Variants in PALM2AKAP2 observed in about 807,000 individuals in gnomAD.
The protein encoded by PALM2AKAP2 is PALM2 and AKAP2 fusion.
PALM2AKAP2 carries 37 observed loss-of-function variants against 71.5 expected under a neutral mutation model. The observed-to-expected ratio is 0.52, with a 90% CI of 0.40 to 0.68. The LOEUF is 0.68. Among genes scored for constraint, PALM2AKAP2 ranks in the 30% least tolerant of loss-of-function variants. The pLI is 0.00. For missense variants in PALM2AKAP2, 1,224 were observed against 1,191.8 expected (o/e 1.03, Z -0.40); for synonymous variants, 468 against 478.8 (o/e 0.98, Z 0.29).
In PALM2AKAP2 at chr9:110,121,108, G is replaced by A. The variant is rs532367924; in HGVS notation, c.157-15019G>A. Among the ~76,000 whole-genome samples, 15 of 152,240 alleles carry A rather than the reference G, an allele frequency of 9.9e-5. No homozygotes were observed. The South Asian group carries it at 3.1e-3, about 32-fold the overall frequency. ...TGTTCTTTAAGCCTTTCTAAAGAGA[G>A]TTGCTGTTTCTGTTTGCCTTTTCTC... On this transcript the variant is annotated intron_variant, in intron 1 of 3. Coordinates refer to ENST00000374525, the Ensembl canonical transcript of PALM2AKAP2.
intron 1 of PALM2AKAP2, chr9:109,760,359 A>G (rs1209947738): frequency 1.3e-5 from 2 of 152,160 alleles, no homozygotes; most frequent in African/African-American, 4.8e-5. Flanking sequence ...GGAAAGTTTA[A>G]TGTTTATTAT....
intron 6 of PALM2AKAP2, among the ~76,000 whole-genome samples, chr9:109,995,682 C>T (rs145217641): frequency 6.0e-4 from 91 of 152,272 alleles, no homozygotes; most frequent in South Asian, 2.5e-3. Flanking sequence ...GAGGAAGACC[C>T]GTCTTCATGA....
At chr9:109,890,338 G>C (rs1413012356) in intron 3 of PALM2AKAP2, among the ~76,000 whole-genome samples, 1 of 152,146 alleles carries the variant, frequency 6.6e-6, no homozygotes, top group Non-Finnish European at 1.5e-5. Flanking sequence ...GGGACCCGAG[G>C]CTGCTTGATA....
exon 2 of PALM2AKAP2, chr9:110,137,176 G>C (rs767174376): frequency 1.9e-6 from 3 of 1,613,810 alleles, no homozygotes; most frequent in Non-Finnish European, 2.5e-6. Flanking sequence ...ACAAAGCAAA[G>C]GAGGACATTG....
chr9:109,917,014 A>C (rs1215309594), intron 3 of PALM2AKAP2, among the ~76,000 whole-genome samples: 1 of 152,254 alleles, frequency 6.6e-6, no homozygotes, highest in Admixed American at 6.5e-5. Context: ...GTTTCCAAAC[A>C]GCTGACTTTA....
intron 3 of PALM2AKAP2, among the ~76,000 whole-genome samples, chr9:109,919,963 T>C (rs1830789047): frequency 6.6e-6 from 1 of 152,166 alleles, no homozygotes; most frequent in South Asian, 2.1e-4. Context: ...CAGGTGCTTC[T>C]GAACTATATA....
chr9:109,748,741 C>T (rs1385272533), intron 1 of PALM2AKAP2, among the ~76,000 whole-genome samples: 1 of 152,078 alleles, frequency 6.6e-6, no homozygotes, highest in African/African-American at 2.4e-5. Context: ...GACTGGGTGG[C>T]TTAAACAACA....
At chr9:110,024,827 T>G (rs1244312103) in intron 7 of PALM2AKAP2, 7 of 666,334 alleles carry the variant, frequency 1.1e-5, no homozygotes, top group East Asian at 5.5e-5. Context: ...GGTTTTTTGT[T>G]TTTTTTTTTT....
intron 1 of PALM2AKAP2, among the ~76,000 whole-genome samples, chr9:109,745,840 T>C (rs1044972221): frequency 6.6e-6 from 1 of 152,176 alleles, no homozygotes; most frequent in Non-Finnish European, 1.5e-5. Context: ...GGCTCTGGGC[T>C]TCATAAATTC....
chr9:109,960,989 G>A (rs543777769), intron 6 of PALM2AKAP2, among the ~76,000 whole-genome samples: 2 of 152,338 alleles, frequency 1.3e-5, no homozygotes, highest in South Asian at 4.1e-4. Flanking sequence ...GTTCTGGCTG[G>A]TGGGAATGGA....
intron 3 of PALM2AKAP2, among the ~76,000 whole-genome samples, chr9:109,893,809 G>A (rs116083379): frequency 4.6e-5 from 7 of 152,218 alleles, no homozygotes; most frequent in East Asian, 1.9e-4. Context: ...CACGTGGTGC[G>A]GACAACAAAC....
chr9:109,661,847 A>G (rs2132243061), intron 1 of PALM2AKAP2, among the ~76,000 whole-genome samples: 1 of 152,282 alleles, frequency 6.6e-6, no homozygotes. Flanking sequence ...TTTGTTGAGC[A>G]GTGGTTTGTA....
chr9:109,812,947 G>A (rs1052729500), intron 1 of PALM2AKAP2, among the ~76,000 whole-genome samples: 1 of 152,194 alleles, frequency 6.6e-6, no homozygotes, highest in Admixed American at 6.5e-5. Flanking sequence ...AGACACTGCT[G>A]GAAGCCTTCA....
chr9:109,757,904 CA>C (rs1828989164), intron 1 of PALM2AKAP2, among the ~76,000 whole-genome samples: 1 of 151,802 alleles, frequency 6.6e-6, no homozygotes, highest in Non-Finnish European at 1.5e-5. Flanking sequence ...TCTTTACTTT[CA>C]AGAAGGTAAT....
intron 1 of PALM2AKAP2, among the ~76,000 whole-genome samples, chr9:110,068,112 T>A (rs1273038845): frequency 1.6e-5 from 2 of 128,046 alleles, no homozygotes; most frequent in South Asian, 2.4e-4. Context: ...TTTGGTAAGA[T>A]AATTTTGAAT....
chr9:109,664,689 G>A (rs1237668300), intron 1 of PALM2AKAP2, among the ~76,000 whole-genome samples: 2 of 152,172 alleles, frequency 1.3e-5, no homozygotes, highest in African/African-American at 2.4e-5. Flanking sequence ...TTCTTGAGGA[G>A]TATCTTTGTG....
chr9:109,927,012 C>T (rs1035328316), intron 5 of PALM2AKAP2, among the ~76,000 whole-genome samples: 4 of 152,184 alleles, frequency 2.6e-5, no homozygotes, highest in Non-Finnish European at 5.9e-5. Flanking sequence ...TGCCCACAGA[C>T]TCCATCCTCC....
chr9:109,755,661 A>G (rs572145426), intron 1 of PALM2AKAP2, among the ~76,000 whole-genome samples: 2 of 152,128 alleles, frequency 1.3e-5, no homozygotes, highest in East Asian at 3.9e-4. Flanking sequence ...CAAAACAAAA[A>G]ATAGAAAAGC....
At chr9:109,983,871 A>AAAAAG (rs989793386) in intron 6 of PALM2AKAP2, among the ~76,000 whole-genome samples, 9 of 152,176 alleles carry the variant, frequency 5.9e-5, no homozygotes, top group Non-Finnish European at 1.0e-4. Context: ...ACTTAAAAAA[A>AAAAAG]AAAAGAAAAG....
Sources: allele counts gnomAD v4.1 joint callset (sites outside exome capture counted in the v4.1 genomes callset), GRCh38; gene constraint gnomAD v4.1.1; transcripts MANE v1.5; gene names NCBI Gene and HGNC (gene_info 2026-07-23, HGNC 2026-07-21).